BUD23: variants seen among roughly 807,000 people sequenced by gnomAD.
BUD23 encodes BUD23 rRNA methyltransferase and ribosome maturation factor.
Under a neutral mutation model 47.0 loss-of-function variants are expected in BUD23, and 34 were observed. That is an observed-to-expected ratio of 0.72 (90% CI 0.55 to 0.96). The LOEUF (loss-of-function observed/expected upper bound fraction) is 0.96, where lower values mean the gene tolerates loss of function less well. Ranked by LOEUF, BUD23 falls within the 40% of genes least tolerant of loss-of-function variation. The pLI, the probability that BUD23 is intolerant of heterozygous loss-of-function variation, is 0.00. For synonymous variants in BUD23, 124 were observed against 132.0 expected (o/e 0.94, Z 0.41); for missense variants, 343 against 361.2 (o/e 0.95, Z 0.41).
chr7:73,693,710 A>T (rs1316990309), intron 9 of BUD23, 41 bp downstream of exon 9: 2 of 1,612,588 alleles, frequency 1.2e-6, no homozygotes, highest in Non-Finnish European at 1.7e-6. Context: ...GTGTCTTTTG[A>T]CTTCCAGGCA....
In BUD23 at chr7:73,694,384, CCCTT is replaced by C. The variant is rs1359879301; in HGVS notation, c.701+342_701+345del. 8 of 263,964 alleles carry C rather than the reference CCCTT, an allele frequency of 3.0e-5. No individual in the cohort carries two copies. In the East Asian group the frequency reaches 3.6e-4, roughly 12 times the overall value. 16.4% of individuals were successfully genotyped at this position (263,964 alleles called of 1,614,324 possible). ...CCTCTCCCTTGGGTGCTGTGGCTCT[CCCTT>C]CCTTCCTGCATCCTCATCTTGACTC... On this transcript the variant is annotated intron_variant, in intron 10 of 11. Transcript: ENST00000265758.
At chr7:73,688,176 G>A (rs1286939319) in intron 5 of BUD23, among the ~76,000 whole-genome samples, 4 of 152,214 alleles carry the variant, frequency 2.6e-5, no homozygotes, top group South Asian at 4.1e-4. Flanking sequence ...GATTACAGGC[G>A]TGAGCCACCG....
intron 9 of BUD23, 62 bp downstream of exon 9, chr7:73,693,731 G>T: frequency 2.5e-6 from 4 of 1,595,462 alleles, no homozygotes; most frequent in Non-Finnish European, 3.4e-6. Context: ...GTGGGGCTCA[G>T]CCTGCAGAGC....
chr7:73,692,938 C>T (rs1296157923), intron 7 of BUD23: 5 of 543,824 alleles, frequency 9.2e-6, no homozygotes, highest in African/African-American at 3.8e-5. Flanking sequence ...GAGAGGGCAC[C>T]GACAGTTCTC....
rs1554615224 is a variant in BUD23, at chr7:73,697,950, G to A, written c.*64G>A. On this transcript the variant is annotated 3_prime_UTR_variant, in exon 12 of 12. Coordinates refer to ENST00000265758, the MANE Select transcript of BUD23 (RefSeq NM_017528.5). ...TTTTCTATATTGTTCAGCTGACAAA[G>A]TAGTATTTTAGAAAAGTTCTAAAGT... 1.9e-6 allele frequency: 3 copies of A among 1,542,566 alleles called. No homozygotes were observed. The highest frequency in any genetic ancestry group is 1.7e-6 in the Non-Finnish European group (2 of 1,145,484).
rs552273372 is a variant in BUD23 at position 73,693,494 on chromosome 7, G to A, written c.596+80G>A. 43 of 1,598,388 alleles carry A rather than the reference G, an allele frequency of 2.7e-5. No homozygotes were observed. In the African/African-American group the frequency reaches 4.8e-4, roughly 18 times the overall value. ...TAGCCCTTTCAGGCCACTCAGTGGT[G>A]CAGAGGAGTGCTGGGGTGTGGGTCA... On this transcript the variant is annotated intron_variant, in intron 8 of 11. Coordinates refer to ENST00000265758, the MANE Select transcript of BUD23 (RefSeq NM_017528.5).
chr7:73,697,595 T>G lies in BUD23; in HGVS notation c.702-10T>G. 1.2e-6 allele frequency: 2 copies of G among 1,613,488 alleles called. No individual in the cohort carries two copies. The highest frequency in any genetic ancestry group is 1.7e-6 in the Non-Finnish European group (2 of 1,179,902). ...CTGTCCATCAGCTCATAGCTGTGTC[T>G]CCGCCACAGGTTCCCATTAAGGATG... On this transcript the variant is annotated splice_polypyrimidine_tract_variant and intron_variant, in intron 10 of 11. Transcript: ENST00000265758.
Position 73,693,357 on chromosome 7 carries a change from A to T in BUD23, c.539A>T (p.Lys180Met), listed in dbSNP as rs1396662817. Residue 180 changes from lysine to methionine, a missense_variant, in exon 8 of 12, where the codon AAG (lysine) becomes ATG (methionine). Physicochemically the swap from Lys to Met is moderately conservative, Grantham distance 95 (BLOSUM62 -1). Coordinates refer to ENST00000265758, the MANE Select transcript of BUD23 (RefSeq NM_017528.5). ...QLELITTQAT[K>M]AGFSGGMVVD... is the part of the protein sequence containing the mutation. ...GAGCTGATCACAACCCAGGCCACAA[A>T]GGCAGGCTTCTCCGGTGGCATGGTG... 1 of 1,614,020 alleles carries T rather than the reference A, an allele frequency of 6.2e-7. No individual in the cohort carries two copies. Among genetic ancestry groups the T allele is most frequent in the African/African-American group, 1.3e-5 (1 of 74,914 alleles).
At chr7:73,693,448 GC>G in intron 8 of BUD23, 34 bp downstream of exon 8, 1 of 1,612,250 alleles carries the variant, frequency 6.2e-7, no homozygotes, top group Non-Finnish European at 8.5e-7. Flanking sequence ...TGCCTGGGCT[GC>G]AGGAGGGAGG....
intron 10 of BUD23, chr7:73,695,223 A>T (rs1319544062): frequency 6.6e-6 from 1 of 151,086 alleles, no homozygotes; most frequent in Admixed American, 6.6e-5. Flanking sequence ...AAGTTCTGGG[A>T]TGACTGATGT....
intron 7 of BUD23, chr7:73,692,952 T>C (rs1798250464): frequency 5.5e-6 from 3 of 543,330 alleles, no homozygotes; most frequent in Non-Finnish European, 9.9e-6. Context: ...AGTTCTCCGT[T>C]GTGTGATGTA....
At chr7:73,691,306 A>G (rs868929197) in intron 6 of BUD23, among the ~76,000 whole-genome samples, 4 of 152,224 alleles carry the variant, frequency 2.6e-5, no homozygotes, top group African/African-American at 4.8e-5. Flanking sequence ...TCCTATGTCT[A>G]TTGCGCTGAG....
rs781860259 is a variant in BUD23 at position 73,686,939 on chromosome 7, G to A, written c.265+39G>A. ...GTCTGGCACCAGGGTGGATTACCCT[G>A]ATGGGTGTGGAGAAGCCACAGGTAT... On this transcript the variant is annotated intron_variant, in intron 4 of 11. Transcript: ENST00000265758. 109 of 1,614,020 alleles carry A rather than the reference G, an allele frequency of 6.8e-5. 1 individual carries two copies. In the South Asian group the frequency reaches 1.2e-3, roughly 18 times the overall value.
chr7:73,694,766 C>T (rs551201973), intron 10 of BUD23: 1 of 152,626 alleles, frequency 6.6e-6, no homozygotes, highest in Non-Finnish European at 1.5e-5. Flanking sequence ...CACCCACCAT[C>T]GTGGTTTCCT....
At chr7:73,693,306 A>G in intron 7 of BUD23, 23 bp from the exon 8 acceptor site, 1 of 1,608,204 alleles carries the variant, frequency 6.2e-7, no homozygotes, top group East Asian at 2.2e-5. Context: ...CCGCTGCCTG[A>G]CCCGCTGCCT....
rs782204978 is a variant in BUD23 at position 73,697,835 on chromosome 7, A to T, written c.795A>T (p.Glu265Asp). The T allele has an allele frequency of 1.1e-5, 18 of 1,613,882 alleles. No homozygotes were observed. Among genetic ancestry groups the T allele is most frequent in the Non-Finnish European group, 8.5e-6 (10 of 1,179,988 alleles). The change falls in exon 12 of 12, where the codon GAA (glutamate) becomes GAT (aspartate). Residue 265 changes from glutamate (E) to aspartate (D), a missense_variant. By Grantham distance (45) the Glu-to-Asp change is conservative. Transcript: ENST00000265758. ...GTCCTATTCCTTTTCTGCACAGGGA[A>T]GTCAGACCTGACACCCAGTACACCG... The part of the protein sequence containing the change: ...KKERHRRQGR[E>D]VRPDTQYTGR...
intron 2 of BUD23, among the ~76,000 whole-genome samples, chr7:73,685,523 C>A (rs1379509390): frequency 1.3e-5 from 2 of 152,152 alleles, no homozygotes; most frequent in Non-Finnish European, 1.5e-5. Context: ...GCTGCAACCT[C>A]GCCTCCCGGG....
At chr7:73,697,583 C>T (rs781816915) in intron 10 of BUD23, 22 bp from the exon 11 acceptor site, 1 of 1,613,396 alleles carries the variant, frequency 6.2e-7, no homozygotes, top group Admixed American at 1.7e-5. Context: ...TCCATCAGCT[C>T]ATAGCTGTGT....
In BUD23 at chr7:73,683,669, A is replaced by C; in HGVS notation, c.44A>C (p.Glu15Ala). ...GRRPEHGGPP[E>A]LFYDETEARK... ...CGTCCGGAGCATGGCGGACCCCCAG[A>C]GCTGGTAAGTCCCGGGGCCCGCGGA... Residue 15 changes from glutamate to alanine, a missense_variant, in exon 1 of 12, where the codon GAG (glutamate) becomes GCG (alanine). Coordinates refer to ENST00000265758, the MANE Select transcript of BUD23 (RefSeq NM_017528.5). The C allele has an allele frequency of 6.2e-7, 1 of 1,613,534 alleles. No homozygotes were observed.
Sources: gnomAD v4.1 joint callset for allele counts (sites outside exome capture counted in the v4.1 genomes callset) on GRCh38, gnomAD v4.1.1 for gene constraint, MANE v1.5 for transcripts, NCBI Gene and HGNC (gene_info 2026-07-23, HGNC 2026-07-21) for gene names.